Variants in PORCN observed in about 807,000 individuals in gnomAD.
PORCN encodes the protein porcupine O-acyltransferase, also known as protein-serine O-palmitoleoyltransferase porcupine.
In PORCN, 1 loss-of-function variant was observed where a neutral mutation model predicts 43.0. That is an observed-to-expected ratio of 0.02 (90% CI 0.01 to 0.11). The LOEUF is 0.11. Among genes scored for constraint, PORCN ranks in the 10% least tolerant of loss-of-function variants. PORCN has a pLI of 1.00. For missense variants in PORCN, 240 were observed against 392.1 expected (o/e 0.61, Z 3.28); for synonymous variants, 148 against 166.4 (o/e 0.89, Z 0.85).
chrX:48,514,684 A>G, intron 10 of PORCN, 59 bp downstream of exon 10: 2 of 960,208 alleles, frequency 2.1e-6, no homozygotes, highest in Non-Finnish European at 3.0e-6. Context: ...TCATACATTC[A>G]TACAACATTT....
rs1449007234 is a variant in PORCN at position 48,517,187 on chromosome X, T to C, written c.1178T>C (p.Leu393Pro). 14 of 1,164,260 alleles carry C rather than the reference T, an allele frequency of 1.2e-5. No individual in the cohort carries two copies. The highest frequency in any genetic ancestry group is 1.3e-5 in the Non-Finnish European group (11 of 870,410). The change falls in exon 14 of 15, where the codon CTG becomes CCG. Residue 393 changes from leucine (L) to proline (P), a missense_variant. Coordinates refer to ENST00000326194, the MANE Select transcript of PORCN (RefSeq NM_203475.3). ...ATATCCATCTGTCCCCCACAGGGCC[T>C]GGGGGTGCGAGCCTTAAACTTGCTC... ...PDCSHQHRLG[L>P]GVRALNLLFG... is the part of the protein sequence containing the mutation.
At chrX:48,509,474 T>G in intron 1 of PORCN, 4 of 951,746 alleles carry the variant, frequency 4.2e-6, no homozygotes, top group Non-Finnish European at 4.1e-6. Flanking sequence ...GCCCGCCCCA[T>G]TTGATATATG....
At chrX:48,516,504 G>A (rs374611182) in intron 13 of PORCN, among the ~76,000 whole-genome samples, 2 of 111,658 alleles carry the variant, frequency 1.8e-5, no homozygotes, top group East Asian at 2.8e-4. Context: ...ATAATAGTGT[G>A]TCAGATTGCA....
At chrX:48,514,389 C>G (rs1556974736) in intron 9 of PORCN, 24 bp downstream of exon 9, 1 of 1,204,028 alleles carries the variant, frequency 8.3e-7, no homozygotes, top group African/African-American at 1.7e-5. Context: ...GGGACCCCCT[C>G]TCCCACAGGG....
chrX:48,516,620 T>C (rs1214857459), intron 13 of PORCN, among the ~76,000 whole-genome samples: 2 of 110,514 alleles, frequency 1.8e-5, no homozygotes, highest in African/African-American at 6.6e-5. Context: ...GAGGTGATGT[T>C]TGAGGCCTTT....
At chrX:48,511,174 C>T in intron 2 of PORCN, 121 bp from the exon 3 acceptor site, 3 of 659,279 alleles carry the variant, frequency 4.6e-6, no homozygotes, top group Non-Finnish European at 2.4e-6. Context: ...TACTAGCCCA[C>T]CAACCTTCTC....
At chrX:48,510,735 CTCTA>C (rs782293028) in intron 2 of PORCN, among the ~76,000 whole-genome samples, 35 of 84,724 alleles carry the variant, frequency 4.1e-4, no homozygotes, top group Admixed American at 2.4e-3. Flanking sequence ...CGTTAGCTGG[CTCTA>C]TCTGTCTATC....
In PORCN at chrX:48,514,633, A is replaced by G; in HGVS notation, c.946+8A>G. On this transcript the variant is annotated splice_region_variant and intron_variant, in intron 10 of 14. Coordinates refer to ENST00000326194, the MANE Select transcript of PORCN (RefSeq NM_203475.3). ...CTTATTGGCTAAATAACTGTGAGTC[A>G]CCAAGTCACCACTCCAGCTGTGTTG... 1 of 1,157,621 alleles carries G rather than the reference A, an allele frequency of 8.6e-7. No homozygotes were observed. The highest frequency in any genetic ancestry group is 1.2e-6 in the Non-Finnish European group (1 of 846,015).
At chrX:48,519,092 A>G (rs1261861745) in intron 14 of PORCN, among the ~76,000 whole-genome samples, 1 of 111,456 alleles carries the variant, frequency 9.0e-6, no homozygotes, top group Non-Finnish European at 1.9e-5. Flanking sequence ...ATTTAGAGAA[A>G]AGATTTGCTC....
At position 48,514,616 on chromosome X, in the gene PORCN, C is replaced by G; in HGVS notation, c.937C>G (p.Leu313Val). 8.3e-7 allele frequency: 1 copy of G among 1,203,131 alleles called. No individual in the cohort carries two copies. Among genetic ancestry groups the G allele is most frequent in the Non-Finnish European group, 1.1e-6 (1 of 887,563 alleles). ...CTGGAACCTGCCCATGTCTTATTGG[C>G]TAAATAACTGTGAGTCACCAAGTCA... The part of the protein sequence containing the change: ...TSWNLPMSYW[L>V]NNYVFKNALR... Residue 313 changes from leucine to valine, a missense_variant, in exon 10 of 15, where the codon CTA (leucine) becomes GTA (valine). Coordinates refer to ENST00000326194, the MANE Select transcript of PORCN (RefSeq NM_203475.3).
intron 4 of PORCN, 63 bp from the exon 5 acceptor site, chrX:48,512,263 C>T (rs2061681953): frequency 1.3e-5 from 15 of 1,162,755 alleles, no homozygotes; most frequent in Non-Finnish European, 1.8e-5. Flanking sequence ...ACCTGGTGCA[C>T]CTCCTCCTTG....
At chrX:48,516,456 G>A (rs1556975395) in intron 13 of PORCN, among the ~76,000 whole-genome samples, 3 of 111,736 alleles carry the variant, frequency 2.7e-5, no homozygotes, top group Non-Finnish European at 5.6e-5. Context: ...CATTTTAACC[G>A]GGCAGACAGT....
chrX:48,520,426 A>G lies in PORCN; in HGVS notation c.1336A>G (p.Ser446Gly), dbSNP rs1412795119. ...VHKWSELSWA[S>G]HWVTFGCWIF... ...CAAGTGGTCAGAGCTCAGCTGGGCC[A>G]GTCACTGGGTCACTTTTGGATGCTG... The change falls in exon 15 of 15, where the codon AGT becomes GGT. Residue 446 changes from serine (S) to glycine (G), a missense_variant. By Grantham distance (56) the Ser-to-Gly change is moderately conservative (BLOSUM62 0). Transcript: ENST00000326194. 1 of 1,208,367 alleles carries G rather than the reference A, an allele frequency of 8.3e-7. No individual in the cohort carries two copies. The highest frequency in any genetic ancestry group is 1.1e-6 in the Non-Finnish European group (1 of 894,128).
At chrX:48,509,992 G>A in intron 2 of PORCN, 36 bp downstream of exon 2, 1 of 1,083,374 alleles carries the variant, frequency 9.2e-7, no homozygotes, top group Non-Finnish European at 1.3e-6. Flanking sequence ...ACCATGCCAG[G>A]CCATATCAGA....
At chrX:48,517,041 TC>T (rs1171449881) in intron 13 of PORCN, 141 bp from the exon 14 acceptor site, 4 of 495,313 alleles carry the variant, frequency 8.1e-6, no homozygotes, top group Non-Finnish European at 1.4e-5. Flanking sequence ...AACCATCTCT[TC>T]CCTATCTCAG....
chrX:48,513,981 G>A (rs2147128793), intron 7 of PORCN, 146 bp from the exon 8 acceptor site: 1 of 625,504 alleles, frequency 1.6e-6, no homozygotes, highest in South Asian at 2.6e-5. Flanking sequence ...GCCTGAGGGT[G>A]GATGTCTGTG....
chrX:48,514,716 A>G, intron 10 of PORCN, 91 bp downstream of exon 10: 1 of 732,273 alleles, frequency 1.4e-6, no homozygotes, highest in Non-Finnish European at 2.2e-6. Flanking sequence ...TCTGTGTGCT[A>G]GGCACCCAAA....
chrX:48,517,105 C>T (rs781933461), intron 13 of PORCN, 78 bp from the exon 14 acceptor site: 25 of 798,582 alleles, frequency 3.1e-5, no homozygotes, highest in Non-Finnish European at 4.5e-5. Context: ...TGTGTGTCCC[C>T]TGGGCTCCCC....
intron 8 of PORCN, 45 bp downstream of exon 8, chrX:48,514,186 T>C (rs1569478246): frequency 8.3e-7 from 1 of 1,211,517 alleles, no homozygotes; most frequent in Non-Finnish European, 1.1e-6. Flanking sequence ...TGTGGTGGGG[T>C]ATCATGTTGG....
Sources: allele counts gnomAD v4.1 joint callset (sites outside exome capture counted in the v4.1 genomes callset), GRCh38; gene constraint gnomAD v4.1.1; transcripts MANE v1.5; gene names NCBI Gene and HGNC (gene_info 2026-07-23, HGNC 2026-07-21).